Variants in GLYATL2 observed in about 807,000 individuals in gnomAD.
GLYATL2 encodes the protein glycine N-acyltransferase-like protein 2.
In GLYATL2, 25 loss-of-function variants were observed where a neutral mutation model predicts 21.4. The ratio of observed to expected loss-of-function variants is 1.17; its 90% CI spans 0.85 to 1.63. The LOEUF (loss-of-function observed/expected upper bound fraction) is 1.63, where lower values mean the gene tolerates loss of function less well. GLYATL2 is among the 40% of genes most tolerant of loss of function. The pLI is 0.00. For synonymous variants in GLYATL2, 114 were observed against 118.2 expected, an observed-to-expected ratio of 0.96 and a Z score of 0.23; for missense variants, 361 against 343.3, an observed-to-expected ratio of 1.05 and a Z score of -0.41.
intron 1 of GLYATL2, among the ~76,000 whole-genome samples, chr11:58,898,497 A>G (rs79241025): frequency 1.7e-5 from 2 of 117,770 alleles, no homozygotes; most frequent in African/African-American, 6.4e-5. Context: ...TTTTTTTTTT[A>G]TCTGCTCTTA....
At chr11:58,880,712 G>A (rs1056117931) in intron 1 of GLYATL2, among the ~76,000 whole-genome samples, 1 of 152,092 alleles carries the variant, frequency 6.6e-6, no homozygotes, top group Non-Finnish European at 1.5e-5. Flanking sequence ...GTCAAACAGG[G>A]GATAGACTCA....
intron 1 of GLYATL2, among the ~76,000 whole-genome samples, chr11:58,871,924 T>C (rs1206812131): frequency 2.6e-5 from 4 of 152,238 alleles, no homozygotes; most frequent in Non-Finnish European, 4.4e-5. Context: ...TTCCTATTTC[T>C]CCACATCCTC....
chr11:58,837,016 T>G lies in GLYATL2; in HGVS notation c.475A>C (p.Lys159Gln). Residue 159 changes from lysine (K) to glutamine (Q), a missense_variant and splice_region_variant, in exon 5 of 6, where the codon AAG (lysine) becomes CAG (glutamine). By Grantham distance (53) the Lys-to-Gln change is moderately conservative. Transcript: ENST00000287275. ...GGGAAGCAAAAGGTAAAATCTCACT[T>G]GTTATCATCATCCACTTCAAATAAC... ...MELFEVDDDNKEGNFSNMFLD... is the reference protein window; with the variant it reads ...MELFEVDDDNQEGNFSNMFLD... The G allele has an allele frequency of 6.2e-7, 1 of 1,611,420 alleles. No individual in the cohort carries two copies. The highest frequency in any genetic ancestry group is 8.5e-7 in the Non-Finnish European group (1 of 1,179,012).
At chr11:58,845,301 T>C (rs1031537296), upstream of GLYATL2, among the ~76,000 whole-genome samples, 1 of 152,116 alleles carries the variant, frequency 6.6e-6, no homozygotes, top group Non-Finnish European at 1.5e-5. Flanking sequence ...TGGGAAAATA[T>C]AAGTTATAAA....
At chr11:58,834,972 C>T in intron 5 of GLYATL2, 135 bp from the exon 6 acceptor site, 1 of 617,792 alleles carries the variant, frequency 1.6e-6, no homozygotes, top group South Asian at 2.3e-5. Context: ...TAACAACTAC[C>T]TTTTCTATTT....
chr11:58,864,499 C>T (rs1853990061), intron 1 of GLYATL2, among the ~76,000 whole-genome samples: 1 of 149,178 alleles, frequency 6.7e-6, no homozygotes, highest in Non-Finnish European at 1.5e-5. Context: ...CTGTATTTCA[C>T]TGAAGCAGGC....
intron 1 of GLYATL2, among the ~76,000 whole-genome samples, chr11:58,867,412 A>T (rs1854041334): frequency 6.7e-6 from 1 of 148,752 alleles, no homozygotes; most frequent in Non-Finnish European, 1.5e-5. Context: ...TTGGGTGATA[A>T]CATTAGAATC....
In GLYATL2 at chr11:58,865,741, TG is replaced by T. The variant is rs1854013250; in HGVS notation, n.61-27374del. On this transcript the variant is annotated intron_variant and non_coding_transcript_variant, in intron 1 of 4. Transcript: ENST00000533636. ...ACAAAGGATGAAGGAAGAAGGCAGG[TG>T]TCTTTCTTAACCACTGTTTTAGGAC... Among the ~76,000 whole-genome samples, 3 of 136,376 alleles carry T rather than the reference TG, an allele frequency of 2.2e-5. No homozygotes were observed. The South Asian group carries it at 7.3e-4, about 33-fold the overall frequency. 89.5% of individuals were successfully genotyped at this position (136,376 alleles called of 152,430 possible). A position where few individuals can be genotyped will look rare whatever the true frequency, so the allele number is the denominator to read the frequency against.
upstream of GLYATL2, chr11:58,905,469 G>T (rs1156547660): frequency 1.1e-5 from 5 of 456,240 alleles, no homozygotes; most frequent in South Asian, 7.7e-5. Context: ...AAGCACCTTG[G>T]CGGGCTATTC....
At chr11:58,845,485 C>A (rs1316635625), upstream of GLYATL2, among the ~76,000 whole-genome samples, 1 of 152,024 alleles carries the variant, frequency 6.6e-6, no homozygotes, top group Non-Finnish European at 1.5e-5. Context: ...TGTCTATAGT[C>A]CCAACTACTC....
chr11:58,880,150 G>A (rs2134610989), intron 1 of GLYATL2, among the ~76,000 whole-genome samples: 1 of 152,298 alleles, frequency 6.6e-6, no homozygotes, highest in Non-Finnish European at 1.5e-5. Flanking sequence ...GAGCCACCGT[G>A]CCCGGCCAAC....
chr11:58,870,125 G>A (rs1428142271), intron 1 of GLYATL2, among the ~76,000 whole-genome samples: 1 of 152,098 alleles, frequency 6.6e-6, no homozygotes, highest in East Asian at 1.9e-4. Flanking sequence ...ATTACAGGCA[G>A]AGAATGACAA....
chr11:58,850,046 G>A (rs1404965956), intron 1 of GLYATL2, among the ~76,000 whole-genome samples: 2 of 152,048 alleles, frequency 1.3e-5, no homozygotes, highest in Non-Finnish European at 2.9e-5. Flanking sequence ...TACCAAAACC[G>A]AAGACACATC....
At chr11:58,874,190 A>T (rs193282618) in intron 1 of GLYATL2, among the ~76,000 whole-genome samples, 1,568 of 151,888 alleles carry the variant, frequency 0.01, 14 homozygotes, top group South Asian at 0.021. Context: ...TTTTCTTCTT[A>T]TTAGTCTTGC....
chr11:58,872,575 G>T (rs1420838446), intron 1 of GLYATL2, among the ~76,000 whole-genome samples: 4 of 152,244 alleles, frequency 2.6e-5, no homozygotes, highest in Non-Finnish European at 5.9e-5. Flanking sequence ...TGTCAGGTTT[G>T]TCAAAGATCA....
At chr11:58,886,762 C>T (rs1014850981) in intron 1 of GLYATL2, among the ~76,000 whole-genome samples, 1 of 152,174 alleles carries the variant, frequency 6.6e-6, no homozygotes, top group African/African-American at 2.4e-5. Context: ...GGTTAGTGAA[C>T]TGAAGCCTCA....
At chr11:58,856,729 G>C (rs1853834753) in intron 1 of GLYATL2, among the ~76,000 whole-genome samples, 1 of 152,184 alleles carries the variant, frequency 6.6e-6, no homozygotes, top group Admixed American at 6.5e-5. Flanking sequence ...TAAGTTTGCT[G>C]TCTTATATGG....
At chr11:58,835,340 C>A (rs777723769) in intron 5 of GLYATL2, among the ~76,000 whole-genome samples, 1 of 152,174 alleles carries the variant, frequency 6.6e-6, no homozygotes, top group Admixed American at 6.5e-5. Context: ...TCCCAAAGCC[C>A]TTCATCACAT....
At chr11:58,836,602 T>C (rs1197923628) in intron 5 of GLYATL2, among the ~76,000 whole-genome samples, 1 of 152,194 alleles carries the variant, frequency 6.6e-6, no homozygotes, top group Non-Finnish European at 1.5e-5. Context: ...ACATAACTCA[T>C]ATAGAGTACT....
Sources: gnomAD v4.1 joint callset for allele counts (sites outside exome capture counted in the v4.1 genomes callset) on GRCh38, gnomAD v4.1.1 for gene constraint, MANE v1.5 for transcripts, NCBI Gene and HGNC (gene_info 2026-07-23, HGNC 2026-07-21) for gene names.